EPHA6: variants seen among roughly 807,000 people sequenced by gnomAD.
EPHA6 encodes ephrin type-A receptor 6.
In EPHA6, 50 loss-of-function variants were observed where a neutral mutation model predicts 112.0. The observed-to-expected ratio is 0.45, with a 90% confidence interval of 0.36 to 0.56. The LOEUF (loss-of-function observed/expected upper bound fraction) is 0.56, where lower values mean the gene tolerates loss of function less well. EPHA6 is among the 20% of genes least tolerant of loss of function. The pLI, the probability that EPHA6 is intolerant of heterozygous loss-of-function variation, is 0.00. For synonymous variants in EPHA6, 529 were observed against 490.7 expected (o/e 1.08, Z -1.03); for missense variants, 1,280 against 1,417.4 (o/e 0.90, Z 1.56).
intron 11 of EPHA6, among the ~76,000 whole-genome samples, chr3:97,574,611 A>AG (rs1267854813): frequency 6.6e-6 from 1 of 152,158 alleles, no homozygotes; most frequent in Non-Finnish European, 1.5e-5. Context: ...GGCAAAAGGT[A>AG]GGGAAAAATA....
At chr3:97,627,119 A>C (rs1469751910) in intron 13 of EPHA6, among the ~76,000 whole-genome samples, 1 of 151,900 alleles carries the variant, frequency 6.6e-6, no homozygotes, top group East Asian at 1.9e-4. Context: ...AACTGAGGCA[A>C]GGCAAGTTAG....
In EPHA6 at chr3:97,267,261, T is replaced by C. The variant is rs147438505; in HGVS notation, c.1606+22974T>C. 7.0e-3 allele frequency among the ~76,000 whole-genome samples: 1,062 copies of C among 152,246 alleles called. 8 individuals carry two copies. Among genetic ancestry groups the C allele is most frequent in the Middle Eastern group, 0.024 (7 of 294 alleles). ...TTATTATTTTTTTCCAATGGGTCTA[T>C]CTTGGTGGGAAATCTCTTAATGCTT... On this transcript the variant is annotated intron_variant, in intron 5 of 17. Transcript: ENST00000389672.
chr3:97,462,123 A>T (rs1312827178), intron 7 of EPHA6, among the ~76,000 whole-genome samples: 3 of 152,222 alleles, frequency 2.0e-5, no homozygotes, highest in Admixed American at 6.5e-5. Context: ...CTTTCTAACT[A>T]TGTGACCATG....
At chr3:97,644,136 A>G (rs1443638781) in intron 14 of EPHA6, among the ~76,000 whole-genome samples, 2 of 152,098 alleles carry the variant, frequency 1.3e-5, no homozygotes, top group African/African-American at 4.8e-5. Context: ...TAAGAATCTC[A>G]CTCAAAACCG....
intron 5 of EPHA6, among the ~76,000 whole-genome samples, chr3:97,316,571 T>A (rs1002917661): frequency 3.9e-5 from 6 of 152,024 alleles, no homozygotes; most frequent in Non-Finnish European, 8.8e-5. Context: ...TAAAACGTGT[T>A]TGATGATTCA....
At chr3:97,236,838 T>G (rs77549278) in intron 4 of EPHA6, among the ~76,000 whole-genome samples, 1 of 152,022 alleles carries the variant, frequency 6.6e-6, no homozygotes, top group Admixed American at 6.6e-5. Flanking sequence ...GTAGAGCAAA[T>G]GGTGGTTGAG....
At chr3:97,310,231 A>G (rs745552656) in intron 5 of EPHA6, among the ~76,000 whole-genome samples, 11 of 151,610 alleles carry the variant, frequency 7.3e-5, no homozygotes, top group Admixed American at 7.3e-4. Flanking sequence ...AAATAAGTTT[A>G]TTCAATAAAA....
intron 14 of EPHA6, among the ~76,000 whole-genome samples, chr3:97,657,220 C>CT (rs1254118152): frequency 1.3e-5 from 2 of 151,542 alleles, no homozygotes; most frequent in African/African-American, 2.4e-5. Flanking sequence ...TCTAAAGGCT[C>CT]TTTTTTTAAG....
intron 11 of EPHA6, among the ~76,000 whole-genome samples, chr3:97,581,811 G>A (rs76943138): frequency 6.8e-4 from 103 of 152,300 alleles, no homozygotes; most frequent in African/African-American, 2.4e-3. Flanking sequence ...ACAGATGAGG[G>A]CAAGATGATT....
intron 5 of EPHA6, among the ~76,000 whole-genome samples, chr3:97,378,357 G>T (rs986057611): frequency 3.3e-5 from 5 of 152,150 alleles, no homozygotes; most frequent in Non-Finnish European, 7.4e-5. Flanking sequence ...TTGTACATTT[G>T]CAGGGGAGGG....
chr3:97,398,624 T>C (rs1325914580), intron 5 of EPHA6, among the ~76,000 whole-genome samples: 2 of 151,454 alleles, frequency 1.3e-5, no homozygotes, highest in South Asian at 2.1e-4. Flanking sequence ...GTACATATGG[T>C]TGCTACATAA....
chr3:97,104,999 C>T (rs1220564815), intron 3 of EPHA6, among the ~76,000 whole-genome samples: 1 of 151,618 alleles, frequency 6.6e-6, no homozygotes, highest in East Asian at 1.9e-4. Flanking sequence ...TCCCCTTTGC[C>T]ATTTCTTATT....
At chr3:97,668,646 G>A (rs960020792) in intron 14 of EPHA6, among the ~76,000 whole-genome samples, 1 of 152,028 alleles carries the variant, frequency 6.6e-6, no homozygotes, top group African/African-American at 2.4e-5. Context: ...GGGCCTTATG[G>A]CTAACACCTG....
intron 1 of EPHA6, among the ~76,000 whole-genome samples, chr3:96,865,694 CAAAAAA>C (rs57565102): frequency 3.7e-5 from 3 of 82,014 alleles, no homozygotes; most frequent in African/African-American, 7.9e-5. Context: ...AAAAAACAAA[CAAAAAA>C]AAAAAAAAAA....
chr3:97,528,273 A>G (rs1446207217), intron 10 of EPHA6, among the ~76,000 whole-genome samples: 2 of 152,186 alleles, frequency 1.3e-5, no homozygotes, highest in Non-Finnish European at 2.9e-5. Context: ...GAGCTGGGCC[A>G]ACTTCCAAAT....
At chr3:97,742,966 T>C (rs1348358862) in intron 16 of EPHA6, among the ~76,000 whole-genome samples, 4 of 152,142 alleles carry the variant, frequency 2.6e-5, no homozygotes, top group African/African-American at 9.7e-5. Flanking sequence ...GCAGCCATAT[T>C]GCATTAAGTC....
intron 5 of EPHA6, among the ~76,000 whole-genome samples, chr3:97,267,237 T>C (rs763109154): frequency 2.6e-4 from 39 of 152,114 alleles, no homozygotes; most frequent in Non-Finnish European, 5.4e-4. Flanking sequence ...TTATTTCTCT[T>C]ATTATTTTTT....
chr3:97,072,684 A>G (rs1196760657), intron 3 of EPHA6, among the ~76,000 whole-genome samples: 1 of 152,126 alleles, frequency 6.6e-6, no homozygotes, highest in Non-Finnish European at 1.5e-5. Context: ...TCCAGTTGGT[A>G]TTATGGCTTC....
chr3:97,405,086 T>G (rs2087251790), intron 5 of EPHA6, 64 bp from the exon 6 acceptor site: 1 of 1,512,282 alleles, frequency 6.6e-7, no homozygotes, highest in East Asian at 2.4e-5. Context: ...GAGAAAATAT[T>G]AAAGAAAGGA....
Sources: gnomAD v4.1 joint callset for allele counts (sites outside exome capture counted in the v4.1 genomes callset) on GRCh38, gnomAD v4.1.1 for gene constraint, MANE v1.5 for transcripts, NCBI Gene and HGNC (gene_info 2026-07-23, HGNC 2026-07-21) for gene names.